The following CASK variants were observed in gnomAD, a reference collection of about 807,000 sequenced individuals.
The protein encoded by CASK is peripheral plasma membrane protein CASK.
Under a neutral mutation model 82.9 loss-of-function variants are expected in CASK, and 4 were observed. The observed-to-expected ratio is 0.05, with a 90% CI of 0.02 to 0.11. The LOEUF (loss-of-function observed/expected upper bound fraction) is 0.11. CASK is among the 10% of genes least tolerant of loss of function. CASK has a pLI of 1.00. For missense variants in CASK, 358 were observed against 720.9 expected, an observed-to-expected ratio of 0.50 and a Z score of 5.76; for synonymous variants, 259 against 253.5, an observed-to-expected ratio of 1.02 and a Z score of -0.20.
At chrX:41,848,615 T>A (rs1364327450) in intron 2 of CASK, among the ~76,000 whole-genome samples, 2 of 111,720 alleles carry the variant, frequency 1.8e-5, no homozygotes, top group Non-Finnish European at 3.8e-5. Context: ...CTTTTCTTCA[T>A]AAATTACCCA....
chrX:41,608,163 C>T (rs1041326570), intron 12 of CASK, among the ~76,000 whole-genome samples: 1 of 111,905 alleles, frequency 8.9e-6, no homozygotes, highest in African/African-American at 3.2e-5. Context: ...CTCATCAAAA[C>T]AGAACTCAAC....
chrX:41,588,962 G>T (rs769329184), intron 13 of CASK, among the ~76,000 whole-genome samples: 1 of 111,699 alleles, frequency 9.0e-6, no homozygotes, highest in African/African-American at 3.2e-5. Flanking sequence ...ACTAGAAAAC[G>T]ATATATAAAA....
At chrX:41,857,971 C>T (rs1303548385) in intron 1 of CASK, among the ~76,000 whole-genome samples, 1 of 112,239 alleles carries the variant, frequency 8.9e-6, no homozygotes, top group African/African-American at 3.2e-5. Context: ...AAAATGATTT[C>T]TAATCTTGAA....
chrX:41,854,273 C>CAT (rs2071332633), intron 1 of CASK, among the ~76,000 whole-genome samples: 1 of 108,996 alleles, frequency 9.2e-6, no homozygotes, highest in Non-Finnish European at 1.9e-5. Flanking sequence ...CACACACACA[C>CAT]GGTTCCCTGT....
intron 3 of CASK, among the ~76,000 whole-genome samples, chrX:41,749,230 A>C (rs2147745444): frequency 9.3e-6 from 1 of 107,739 alleles, no homozygotes; most frequent in East Asian, 3.1e-4. Flanking sequence ...CAGAGGTTGC[A>C]GTGAGCTGAG....
chrX:41,819,891 T>A (rs886358503), intron 2 of CASK, among the ~76,000 whole-genome samples: 6 of 111,595 alleles, frequency 5.4e-5, no homozygotes, highest in Non-Finnish European at 1.1e-4. Context: ...TAATAAAAAT[T>A]CAACAAATTA....
intron 11 of CASK, among the ~76,000 whole-genome samples, chrX:41,616,963 A>G (rs751250057): frequency 1.2e-4 from 14 of 112,610 alleles, no homozygotes; most frequent in Non-Finnish European, 2.6e-4. Flanking sequence ...CAAGGGCTTC[A>G]GAGAAATCAG....
At chrX:41,912,300 G>GTTTTTTTTTTTTTTTTTTT (rs774775542) in intron 1 of CASK, among the ~76,000 whole-genome samples, 30 of 53,164 alleles carry the variant, frequency 5.6e-4, no homozygotes, top group Non-Finnish European at 7.1e-4. Context: ...TTTGTTTTCT[G>GTTTTTTTTTTTTTTTTTTT]TTTTTTTTTT....
At chrX:41,550,573 T>C (rs749293928) in intron 21 of CASK, among the ~76,000 whole-genome samples, 1 of 110,486 alleles carries the variant, frequency 9.1e-6, no homozygotes, top group South Asian at 3.9e-4. Flanking sequence ...TTCTGCTCTC[T>C]GAAGATATTT....
chrX:41,637,488 C>A (rs12841533), intron 8 of CASK, among the ~76,000 whole-genome samples: 1 of 87,854 alleles, frequency 1.1e-5, no homozygotes, highest in Non-Finnish European at 2.1e-5. Context: ...GGTGTGGTGG[C>A]TCACACCTGT....
intron 2 of CASK, among the ~76,000 whole-genome samples, chrX:41,796,154 AATAG>A (rs1186150107): frequency 1.8e-5 from 2 of 112,430 alleles, no homozygotes; most frequent in Non-Finnish European, 3.8e-5. Context: ...GTTATGATAT[AATAG>A]ATAGGGCAAT....
chrX:41,726,891 A>C, intron 5 of CASK: 1 of 357,027 alleles, frequency 2.8e-6, no homozygotes, highest in Non-Finnish European at 4.8e-6. Context: ...CATTTTTGTT[A>C]CTATTTTATT....
At chrX:41,890,787 G>A (rs2072152035) in intron 1 of CASK, among the ~76,000 whole-genome samples, 1 of 111,728 alleles carries the variant, frequency 9.0e-6, no homozygotes, top group South Asian at 3.7e-4. Context: ...GTACATATGA[G>A]CCCATGAACC....
chrX:41,532,316 T>G (rs2064816155), intron 24 of CASK, among the ~76,000 whole-genome samples: 1 of 112,378 alleles, frequency 8.9e-6, no homozygotes, highest in Non-Finnish European at 1.9e-5. Flanking sequence ...ATGGTTGTTT[T>G]CATGAGACAA....
chrX:41,597,224 T>G lies in CASK; in HGVS notation c.1156-7632A>C, dbSNP rs867068345. ...ACTGAGTTGTATGTCCCACTAACTTTTTTTGCACAGAGAAAACCAAATCTA... is the reference window on the plus strand; with the variant it reads ...ACTGAGTTGTATGTCCCACTAACTTGTTTTGCACAGAGAAAACCAAATCTA... On this transcript the variant is annotated intron_variant, in intron 12 of 26. Transcript: ENST00000378163. Among the ~76,000 whole-genome samples, 9 of 112,075 alleles carry G rather than the reference T, an allele frequency of 8.0e-5. No individual in the cohort carries two copies. In the South Asian group the frequency reaches 2.9e-3, roughly 37 times the overall value.
chrX:41,868,546 A>G (rs1295509157), intron 1 of CASK, among the ~76,000 whole-genome samples: 1 of 111,676 alleles, frequency 9.0e-6, no homozygotes, highest in Non-Finnish European at 1.9e-5. Flanking sequence ...AATGCACTTT[A>G]GCCCCTGATA....
At chrX:41,761,522 A>G (rs1254420240) in intron 3 of CASK, among the ~76,000 whole-genome samples, 1 of 112,109 alleles carries the variant, frequency 8.9e-6, no homozygotes, top group Non-Finnish European at 1.9e-5. Flanking sequence ...GTGTAATCTT[A>G]CTTTTAGGCA....
intron 22 of CASK, 56 bp from the exon 23 acceptor site, chrX:41,535,029 C>T (rs1307440978): frequency 5.3e-6 from 4 of 761,478 alleles, no homozygotes; most frequent in South Asian, 2.4e-5. Flanking sequence ...ATTTCATGTA[C>T]ATAAATTATA....
intron 2 of CASK, among the ~76,000 whole-genome samples, chrX:41,847,638 AAAT>A (rs1459289662): frequency 1.8e-5 from 2 of 111,950 alleles, no homozygotes; most frequent in Non-Finnish European, 3.8e-5. Flanking sequence ...TGAGTGTCTT[AAAT>A]AATATTATGT....
Sources: allele counts gnomAD v4.1 joint callset (sites outside exome capture counted in the v4.1 genomes callset), GRCh38; gene constraint gnomAD v4.1.1; transcripts MANE v1.5; gene names NCBI Gene and HGNC (gene_info 2026-07-23, HGNC 2026-07-21).